The following TMTC2 variants were observed in gnomAD, a reference collection of about 807,000 sequenced individuals.
The protein encoded by TMTC2 is protein O-mannosyl-transferase TMTC2.
Under a neutral mutation model 82.4 loss-of-function variants are expected in TMTC2, and 43 were observed. The observed-to-expected ratio is 0.52, with a 90% CI of 0.41 to 0.67. The LOEUF (loss-of-function observed/expected upper bound fraction) is 0.67, where lower values mean the gene tolerates loss of function less well. Ranked by LOEUF, TMTC2 falls within the 30% of genes least tolerant of loss-of-function variation. The pLI is 0.00. For synonymous variants in TMTC2, 408 were observed against 381.9 expected (o/e 1.07, Z -0.80); for missense variants, 919 against 1,012.4 (o/e 0.91, Z 1.25).
At chr12:83,070,951 G>A (rs867245244) in intron 11 of TMTC2, among the ~76,000 whole-genome samples, 28 of 152,116 alleles carry the variant, frequency 1.8e-4, no homozygotes, top group African/African-American at 5.5e-4. Context: ...AGATAATCAC[G>A]TGATTTTTGT....
At chr12:82,926,474 A>T (rs374455168) in intron 3 of TMTC2, among the ~76,000 whole-genome samples, 1 of 152,252 alleles carries the variant, frequency 6.6e-6, no homozygotes, top group East Asian at 1.9e-4. Flanking sequence ...CCAGCTCTGT[A>T]ACATATTAAG....
intron 1 of TMTC2, among the ~76,000 whole-genome samples, chr12:82,846,138 C>A (rs1870659920): frequency 6.6e-6 from 1 of 152,000 alleles, no homozygotes; most frequent in African/African-American, 2.4e-5. Context: ...GCAGGCAGAT[C>A]ACTTGAGGTC....
intron 11 of TMTC2, among the ~76,000 whole-genome samples, chr12:83,104,094 C>T (rs1884318623): frequency 6.6e-6 from 1 of 152,234 alleles, no homozygotes; most frequent in African/African-American, 2.4e-5. Flanking sequence ...CCAGGGCACA[C>T]TGGTGCAAGG....
chr12:82,689,784 G>A (rs1263981044), intron 1 of TMTC2, among the ~76,000 whole-genome samples: 1 of 152,128 alleles, frequency 6.6e-6, no homozygotes, highest in African/African-American at 2.4e-5. Flanking sequence ...CTTCTATCTT[G>A]TAGCTACATA....
chr12:83,130,677 T>C (rs1329603150), intron 11 of TMTC2, among the ~76,000 whole-genome samples: 2 of 152,244 alleles, frequency 1.3e-5, no homozygotes, highest in East Asian at 3.9e-4. Context: ...ATCACAAACA[T>C]GTATGTGCTA....
At chr12:82,986,150 G>A (rs1455828689) in intron 8 of TMTC2, 104 bp downstream of exon 8, 2 of 1,474,968 alleles carry the variant, frequency 1.4e-6, no homozygotes, top group Admixed American at 1.7e-5. Context: ...TAAGCTATTA[G>A]GGATGCAATG....
chr12:82,837,207 A>G (rs1002891922), intron 1 of TMTC2, among the ~76,000 whole-genome samples: 1 of 152,214 alleles, frequency 6.6e-6, no homozygotes, highest in Non-Finnish European at 1.5e-5. Context: ...AAGCTGGCTT[A>G]GCATGGGTTT....
At chr12:82,904,920 T>C (rs1874208663) in intron 3 of TMTC2, among the ~76,000 whole-genome samples, 1 of 152,058 alleles carries the variant, frequency 6.6e-6, no homozygotes, top group Middle Eastern at 3.2e-3. Context: ...TTCCGACAGC[T>C]TTCTCTCTTC....
At chr12:83,003,744 C>T (rs2137372220) in intron 8 of TMTC2, among the ~76,000 whole-genome samples, 1 of 152,172 alleles carries the variant, frequency 6.6e-6, no homozygotes, top group Admixed American at 6.5e-5. Flanking sequence ...AATAGGTCCC[C>T]AATCTCTTCT....
At chr12:82,817,784 T>A (rs1344749332) in intron 1 of TMTC2, among the ~76,000 whole-genome samples, 1 of 152,174 alleles carries the variant, frequency 6.6e-6, no homozygotes, top group African/African-American at 2.4e-5. Flanking sequence ...CCTTGATAAT[T>A]GTTGTCTTTT....
At chr12:82,789,106 T>G (rs900709248) in intron 1 of TMTC2, among the ~76,000 whole-genome samples, 5 of 152,228 alleles carry the variant, frequency 3.3e-5, no homozygotes, top group African/African-American at 1.2e-4. Context: ...CTTTTTTGAT[T>G]CGGCTTCCTT....
intron 3 of TMTC2, among the ~76,000 whole-genome samples, chr12:82,918,572 C>A (rs1413113004): frequency 3.3e-5 from 5 of 152,148 alleles, no homozygotes; most frequent in African/African-American, 1.2e-4. Flanking sequence ...CATTTAGTGA[C>A]TGTGCAGTGT....
intron 1 of TMTC2, among the ~76,000 whole-genome samples, chr12:82,782,819 A>T (rs1351630163): frequency 6.6e-6 from 1 of 152,172 alleles, no homozygotes; most frequent in African/African-American, 2.4e-5. Context: ...CCTTTGAGTT[A>T]CTTCTAAGTA....
chr12:83,089,583 A>G (rs924858994), intron 11 of TMTC2, among the ~76,000 whole-genome samples: 3 of 152,196 alleles, frequency 2.0e-5, no homozygotes, highest in Admixed American at 6.5e-5. Flanking sequence ...ACAAATAGTA[A>G]TAGGCTGCTC....
chr12:83,003,307 G>A (rs917447899), intron 8 of TMTC2, among the ~76,000 whole-genome samples: 1 of 152,070 alleles, frequency 6.6e-6, no homozygotes, highest in Non-Finnish European at 1.5e-5. Context: ...GAGCCTGTGG[G>A]TGTTGATACC....
chr12:83,063,974 T>C (rs1241307027), intron 11 of TMTC2, among the ~76,000 whole-genome samples: 1 of 150,872 alleles, frequency 6.6e-6, no homozygotes, highest in Non-Finnish European at 1.5e-5. Context: ...GGAAAAGGGT[T>C]GAATTTGAAG....
intron 11 of TMTC2, among the ~76,000 whole-genome samples, chr12:83,097,116 A>G (rs1266663905): frequency 2.0e-5 from 3 of 152,206 alleles, no homozygotes; most frequent in African/African-American, 4.8e-5. Flanking sequence ...GTGAAGCTAG[A>G]TGATCTGCCT....
intron 11 of TMTC2, among the ~76,000 whole-genome samples, chr12:83,078,444 T>A (rs1432307236): frequency 1.3e-5 from 2 of 152,208 alleles, no homozygotes; most frequent in East Asian, 3.9e-4. Flanking sequence ...TAACATCATG[T>A]TTGATAAGCC....
In TMTC2 at chr12:82,716,215, AAGCT is replaced by A. The variant is rs1433366207; in HGVS notation, c.83+28547_83+28550del. On this transcript the variant is annotated intron_variant, in intron 1 of 11. Coordinates refer to ENST00000321196, the MANE Select transcript of TMTC2 (RefSeq NM_152588.3). ...GTTTAAATACTGTCTTCTAAAGAGC[AAGCT>A]TTTTATTTCTAGACATCTAGTCTTA... 2.0e-5 allele frequency among the ~76,000 whole-genome samples: 3 copies of A among 152,330 alleles called. No homozygotes were observed. In the East Asian group the frequency reaches 5.8e-4, roughly 29 times the overall value.
Sources: allele counts gnomAD v4.1 joint callset (sites outside exome capture counted in the v4.1 genomes callset), GRCh38; gene constraint gnomAD v4.1.1; transcripts MANE v1.5; gene names NCBI Gene and HGNC (gene_info 2026-07-23, HGNC 2026-07-21).